DOT1L: variants seen among roughly 807,000 people sequenced by gnomAD.
DOT1L encodes the protein histone-lysine N-methyltransferase, H3 lysine-79 specific.
DOT1L carries 33 observed loss-of-function variants against 153.3 expected under a neutral mutation model. That is an observed-to-expected ratio of 0.22 (90% confidence interval 0.16 to 0.29). The LOEUF (loss-of-function observed/expected upper bound fraction) is 0.29, where lower values mean the gene tolerates loss of function less well. Ranked by LOEUF, DOT1L falls within the 10% of genes least tolerant of loss-of-function variation. The probability of loss-of-function intolerance (pLI) is 1.00; values close to 1 mark genes in which losing one functional copy is unlikely to be tolerated. For synonymous variants in DOT1L, 1,135 were observed against 965.1 expected, an observed-to-expected ratio of 1.18 and a Z score of -3.26; for missense variants, 1,847 against 2,119.9, an observed-to-expected ratio of 0.87 and a Z score of 2.53.
chr19:2,203,304 T>TCA (rs1225240582), intron 9 of DOT1L, among the ~76,000 whole-genome samples: 2 of 152,204 alleles, frequency 1.3e-5, no homozygotes, highest in African/African-American at 4.8e-5. Flanking sequence ...TTCACCATGT[T>TCA]GGCCAGGCTG....
In DOT1L at chr19:2,230,632, A is replaced by G. The variant is rs1050434330; in HGVS notation, c.*840A>G. ...GTGTTTCTGTACAGGAGAGAGTCAC[A>G]CTAATGAGTGGCAGTATTTTATAGA... On this transcript the variant is annotated 3_prime_UTR_variant, in exon 28 of 28. Coordinates refer to ENST00000398665, the MANE Select transcript of DOT1L (RefSeq NM_032482.3). The G allele has an allele frequency of 1.3e-5, 5 of 398,526 alleles. No homozygotes were observed. The highest frequency in any genetic ancestry group is 4.4e-5 in the Admixed American group (1 of 22,716). The allele number at this position is 398,526 out of a possible 1,614,324, so 24.7% of individuals were successfully genotyped here.
At position 2,230,089 on chromosome 19, in the gene DOT1L, T is replaced by C. The variant is rs2144964510; in HGVS notation, c.*297T>C. 1.7e-6 allele frequency: 1 copy of C among 582,980 alleles called. No individual in the cohort carries two copies. The highest frequency in any genetic ancestry group is 3.0e-6 in the Non-Finnish European group (1 of 332,928). 36.1% of individuals were successfully genotyped at this position (582,980 alleles called of 1,614,324 possible). On this transcript the variant is annotated 3_prime_UTR_variant, in exon 28 of 28. Coordinates refer to ENST00000398665, the MANE Select transcript of DOT1L (RefSeq NM_032482.3). ...TTATTGAGAAATATAAATATCTATA[T>C]ATGAGAGCTCTATATAAAGACACGT...
intron 27 of DOT1L, chr19:2,228,924 C>T (rs2024483718): frequency 3.0e-6 from 3 of 985,262 alleles, no homozygotes; most frequent in South Asian, 9.4e-5. Context: ...CCAGTGAAGC[C>T]CCAAGTGCCC....
rs1250708572 is a variant in DOT1L at position 2,231,765 on chromosome 19, T to A, written c.*1973T>A. The A allele has an allele frequency of 9.4e-6, 2 of 213,738 alleles. No homozygotes were observed. Among genetic ancestry groups the A allele is most frequent in the African/African-American group, 4.5e-5 (2 of 44,168 alleles). The allele number at this position is 213,738 out of a possible 1,614,324, so 13.2% of individuals were successfully genotyped here. A position where few individuals can be genotyped will look rare whatever the true frequency, so the allele number is the denominator to read the frequency against. On this transcript the variant is annotated 3_prime_UTR_variant, in exon 28 of 28. Coordinates refer to ENST00000398665, the MANE Select transcript of DOT1L (RefSeq NM_032482.3). ...CTGGTCTAGAACAAGACACATTCTT[T>A]AAACACTGTATTACTTCTGCCTCCC...
In DOT1L at chr19:2,178,112, C is replaced by T. The variant is rs1410538002; in HGVS notation, c.82-2601C>T. On this transcript the variant is annotated intron_variant, in intron 1 of 27. Transcript: ENST00000398665. The stretch of plus-strand genomic sequence containing the variant: ...TAATTTTTTTTTTTTTTGTATTTTT[C>T]ATAGAGATGGGGTTTCACTGTGTTA... 3.6e-3 allele frequency among the ~76,000 whole-genome samples: 518 copies of T among 145,430 alleles called. 1 individual carries two copies. The highest frequency in any genetic ancestry group is 0.013 in the African/African-American group (499 of 39,330).
chr19:2,224,903 T>C (rs1259482708), intron 25 of DOT1L, among the ~76,000 whole-genome samples: 6 of 152,180 alleles, frequency 3.9e-5, no homozygotes, highest in Non-Finnish European at 7.3e-5. Flanking sequence ...CTTTAGGAAT[T>C]TGTGTGTCCC....
chr19:2,190,922 G>C lies in DOT1L; in HGVS notation c.265-90G>C. On this transcript the variant is annotated intron_variant, in intron 4 of 27. Transcript: ENST00000398665. This position sits in a 1 kb window ranked among gnomAD's most constrained non-coding sequence, Gnocchi z 4.8. ...CGAGAGGCCATGCAGCCGACTCCCT[G>C]CTTCCGCTGGGAAAGGTCCCGGGTC... 2 of 1,299,396 alleles carry C rather than the reference G, an allele frequency of 1.5e-6. No individual in the cohort carries two copies. The highest frequency in any genetic ancestry group is 2.7e-5 in the South Asian group (2 of 75,310). The allele number at this position is 1,299,396 out of a possible 1,614,324, so 80.5% of individuals were successfully genotyped here.
In DOT1L at chr19:2,211,272, C is replaced by T. The variant is rs2023705079; in HGVS notation, c.1465+60C>T. The T allele has an allele frequency of 5.5e-6, 8 of 1,447,668 alleles. No homozygotes were observed. The East Asian group carries it at 9.3e-5, about 17-fold the overall frequency. The allele number at this position is 1,447,668 out of a possible 1,614,324, so 89.7% of individuals were successfully genotyped here. On this transcript the variant is annotated intron_variant, in intron 15 of 27. Coordinates refer to ENST00000398665, the MANE Select transcript of DOT1L (RefSeq NM_032482.3). ...GGGCTTGGGGTCATCCCAGGAGGAC[C>T]GTGGGTTGTGACGCTGACCTCGCAG...
chr19:2,216,710 C>A lies in DOT1L; in HGVS notation c.2353C>A (p.Leu785Met). The A allele has an allele frequency of 6.2e-7, 1 of 1,601,820 alleles. No individual in the cohort carries two copies. Among genetic ancestry groups the A allele is most frequent in the African/African-American group, 1.3e-5 (1 of 75,052 alleles). The change falls in exon 20 of 28, where the codon CTG becomes ATG. Residue 785 changes from leucine (L) to methionine (M), a missense_variant. Around this residue, in one of 8 missense-constraint regions of DOT1L, gnomAD observed 281 missense variants for 263.6 expected, o/e 1.07. Coordinates refer to ENST00000398665, the MANE Select transcript of DOT1L (RefSeq NM_032482.3). ...SPAKIVLRRH[L>M]SQDHTVPGRP... ...GGCCAAGATTGTGCTGAGGCGGCAC[C>A]TGAGCCAGGACCACACGGTGCCCGG...
chr19:2,204,608 T>C lies in DOT1L; in HGVS notation c.787+1829T>C, dbSNP rs922717669. Among the ~76,000 whole-genome samples the C allele has an allele frequency of 6.6e-6, 1 of 152,196 alleles. No individual in the cohort carries two copies. Among genetic ancestry groups the C allele is most frequent in the Non-Finnish European group, 1.5e-5 (1 of 68,030 alleles). On this transcript the variant is annotated intron_variant, in intron 9 of 27. Transcript: ENST00000398665. This position sits in a 1 kb window ranked among gnomAD's most constrained non-coding sequence, Gnocchi z 5.7. ...CCAGCTTTCTCTGCACGATCAGACG[T>C]GGTGGCTGAGTCAGGGTACTGCAGT...
At chr19:2,229,717 G>T in intron 27 of DOT1L, 68 bp from the exon 28 acceptor site, 1 of 1,610,720 alleles carries the variant, frequency 6.2e-7, no homozygotes, top group Admixed American at 1.7e-5. Context: ...CCCAGCCTGG[G>T]TGAGTGTTGG....
At position 2,190,869 on chromosome 19, in the gene DOT1L, G is replaced by A. The variant is rs2022762217; in HGVS notation, c.265-143G>A. On this transcript the variant is annotated intron_variant, in intron 4 of 27. Coordinates refer to ENST00000398665, the MANE Select transcript of DOT1L (RefSeq NM_032482.3). The surrounding 1 kb of genome is among the most constrained non-coding windows in gnomAD (Gnocchi z 4.8). ...TGGGGCTGGGTTGGAAACTGACCTG[G>A]GAGCCCGGCAGCCACCCTGCAGGGG... is the stretch of plus-strand genomic sequence containing the variant. 1.3e-6 allele frequency: 1 copy of A among 744,902 alleles called. No homozygotes were observed. The highest frequency in any genetic ancestry group is 2.2e-6 in the Non-Finnish European group (1 of 457,490). 46.1% of individuals were successfully genotyped at this position (744,902 alleles called of 1,614,324 possible). A position where few individuals can be genotyped will look rare whatever the true frequency, so the allele number is the denominator to read the frequency against.
rs1568381249 is a variant in DOT1L, at chr19:2,231,786, C to T, written c.*1994C>T. ...TCTTTAAACACTGTATTACTTCTGCCTCCCTCTAGGTGACAGTGGCAGTCC... is the reference window on the plus strand; with the variant it reads ...TCTTTAAACACTGTATTACTTCTGCTTCCCTCTAGGTGACAGTGGCAGTCC... On this transcript the variant is annotated 3_prime_UTR_variant, in exon 28 of 28. Coordinates refer to ENST00000398665, the MANE Select transcript of DOT1L (RefSeq NM_032482.3). The T allele has an allele frequency of 4.6e-6, 1 of 215,614 alleles. No individual in the cohort carries two copies. The highest frequency in any genetic ancestry group is 9.3e-6 in the Non-Finnish European group (1 of 107,074). The allele number at this position is 215,614 out of a possible 1,614,324, so 13.4% of individuals were successfully genotyped here. A position where few individuals can be genotyped will look rare whatever the true frequency, so the allele number is the denominator to read the frequency against.
At chr19:2,221,694 C>G (rs868126281) in intron 23 of DOT1L, 1 of 469,240 alleles carries the variant, frequency 2.1e-6, no homozygotes, top group Non-Finnish European at 3.8e-6. Context: ...GCGGGGAGCC[C>G]GCACCAGGAG....
intron 10 of DOT1L, 74 bp downstream of exon 10, chr19:2,206,871 C>G: frequency 6.8e-7 from 1 of 1,460,742 alleles, no homozygotes. Context: ...TCCTAGGTCC[C>G]TCTTCCTTGA....
At chr19:2,225,279 C>G in intron 25 of DOT1L, 109 bp from the exon 26 acceptor site, 4 of 1,106,784 alleles carry the variant, frequency 3.6e-6, no homozygotes, top group Non-Finnish European at 5.5e-6. Flanking sequence ...GGGCCGAGTG[C>G]TTCTCGTTCA....
At chr19:2,177,433 A>C (rs2021999426) in intron 1 of DOT1L, among the ~76,000 whole-genome samples, 1 of 152,124 alleles carries the variant, frequency 6.6e-6, no homozygotes, top group South Asian at 2.1e-4. Flanking sequence ...AGTAGCTGGA[A>C]TTACAGGCAC....
intron 27 of DOT1L, chr19:2,227,365 G>A (rs2024396222): frequency 2.8e-6 from 2 of 724,974 alleles, no homozygotes; most frequent in African/African-American, 1.7e-5. Flanking sequence ...GTTTTCAGAA[G>A]GCCACCGTGC....
At chr19:2,201,157 T>TCATTCCTCGTCCTCCCCG (rs2023261208) in intron 8 of DOT1L, among the ~76,000 whole-genome samples, 16 of 25,970 alleles carry the variant, frequency 6.2e-4, no homozygotes, top group Admixed American at 1.1e-3. Flanking sequence ...CGTCCTCCCC[T>TCATTCCTCGTCCTCCCCG]CATTCCTCGT....
Sources: allele counts gnomAD v4.1 joint callset (sites outside exome capture counted in the v4.1 genomes callset), GRCh38; gene constraint gnomAD v4.1.1; regional missense constraint gnomAD v4.1.1; non-coding constraint Gnocchi (gnomAD v3.1); transcripts MANE v1.5; gene names NCBI Gene and HGNC (gene_info 2026-07-23, HGNC 2026-07-21).